PLOD1: variants seen among roughly 807,000 people sequenced by gnomAD.
PLOD1 encodes lysine hydroxylase.
A neutral mutation model predicts 94.7 loss-of-function variants in PLOD1; 70 were observed. That is an observed-to-expected ratio of 0.74 (90% CI 0.61 to 0.90). The LOEUF is 0.90. Among genes scored for constraint, PLOD1 ranks in the 40% least tolerant of loss-of-function variants. The pLI is 0.00. For missense variants in PLOD1, 905 were observed against 972.7 expected (o/e 0.93, Z 0.93); for synonymous variants, 417 against 400.2 (o/e 1.04, Z -0.50).
intron 4 of PLOD1, among the ~76,000 whole-genome samples, chr1:11,952,104 G>T (rs1418669400): frequency 6.6e-6 from 1 of 152,166 alleles, no homozygotes. Context: ...CCTGGCCCAG[G>T]CCCAGGAGTA....
At chr1:11,947,146 G>A (rs1459369363) in intron 1 of PLOD1, among the ~76,000 whole-genome samples, 1 of 151,868 alleles carries the variant, frequency 6.6e-6, no homozygotes, top group Non-Finnish European at 1.5e-5. Flanking sequence ...GCGAGTGCCT[G>A]TAGTCCCAGC....
chr1:11,937,383 T>C (rs1645587018), intron 1 of PLOD1, among the ~76,000 whole-genome samples: 1 of 152,166 alleles, frequency 6.6e-6, no homozygotes, highest in African/African-American at 2.4e-5. Flanking sequence ...GCATTTTCTC[T>C]CCCAGTCCCA....
rs1396510716 is a variant in PLOD1, at chr1:11,952,599, G to C, written c.467-24G>C. On this transcript the variant is annotated intron_variant, in intron 4 of 18. Coordinates refer to ENST00000196061, the MANE Select transcript of PLOD1 (RefSeq NM_000302.4). ...GGCTGGAAGCTAAGGGTCCGTCTTG[G>C]TGTCCCCACCCACCAACCTTCAGGC... The C allele has an allele frequency of 1.9e-6, 3 of 1,574,686 alleles. No individual in the cohort carries two copies. In the South Asian group the frequency reaches 3.3e-5, roughly 17 times the overall value.
At chr1:11,966,353 C>T (rs747719005) in intron 15 of PLOD1, 37 bp downstream of exon 15, 10 of 1,499,358 alleles carry the variant, frequency 6.7e-6, no homozygotes, top group East Asian at 2.3e-5. Flanking sequence ...CCAGCCTTGC[C>T]TGCTGCAGGG....
chr1:11,965,867 C>T (rs377448091), intron 14 of PLOD1, among the ~76,000 whole-genome samples: 1 of 152,268 alleles, frequency 6.6e-6, no homozygotes, highest in East Asian at 1.9e-4. Context: ...TTGAGCCTTC[C>T]AGCTTTGGGG....
At position 11,975,088 on chromosome 1, in the gene PLOD1, T is replaced by G; in HGVS notation, c.*280T>G. On this transcript the variant is annotated 3_prime_UTR_variant, in exon 19 of 19. Transcript: ENST00000196061. ...AGTGACTCGTGCTCTCCAACCTGTC[T>G]TCCTGAAAAACCAAGGCCCCCTTCC... 1 of 497,036 alleles carries G rather than the reference T, an allele frequency of 2.0e-6. No individual in the cohort carries two copies. Among genetic ancestry groups the G allele is most frequent in the Non-Finnish European group, 3.7e-6 (1 of 273,380 alleles). The allele number at this position is 497,036 out of a possible 1,614,324, so 30.8% of individuals were successfully genotyped here. A position where few individuals can be genotyped will look rare whatever the true frequency, so the allele number is the denominator to read the frequency against.
chr1:11,940,256 C>G (rs1350133743), intron 1 of PLOD1, among the ~76,000 whole-genome samples: 3 of 152,144 alleles, frequency 2.0e-5, no homozygotes, highest in Admixed American at 6.6e-5. Context: ...CTCAGGGCCT[C>G]AAATAAGCCT....
At chr1:11,935,744 C>T (rs1251374870) in intron 1 of PLOD1, among the ~76,000 whole-genome samples, 1 of 152,066 alleles carries the variant, frequency 6.6e-6, no homozygotes, top group Non-Finnish European at 1.5e-5. Flanking sequence ...CCTGCCTCGG[C>T]CTCCCAAGTA....
At chr1:11,956,180 T>C (rs1645736333) in intron 6 of PLOD1, among the ~76,000 whole-genome samples, 1 of 151,614 alleles carries the variant, frequency 6.6e-6, no homozygotes, top group African/African-American at 2.4e-5. Context: ...GGTCATGAGT[T>C]CAAGACCAGC....
rs199567720 is a variant in PLOD1 at position 11,964,297 on chromosome 1, G to A, written c.1325G>A (p.Arg442His). The change falls in exon 12 of 19, where the codon CGT (arginine) becomes CAT (histidine). Residue 442 changes from arginine (R) to histidine (H), a missense_variant. Transcript: ENST00000196061. ...EDYVDIVQGR[R>H]VGVWNVPYIS... Reference sequence around the variant, plus strand: ...TACGTGGACATTGTGCAGGGGCGGCGTGTGTGAGTACCTGCAGGGTGGGGG... The same window carrying A: ...TACGTGGACATTGTGCAGGGGCGGCATGTGTGAGTACCTGCAGGGTGGGGG... The A allele has an allele frequency of 6.3e-5, 79 of 1,244,630 alleles. No homozygotes were observed. Among genetic ancestry groups the A allele is most frequent in the Admixed American group, 1.8e-4 (10 of 54,230 alleles). The allele number at this position is 1,244,630 out of a possible 1,614,324, so 77.1% of individuals were successfully genotyped here.
At chr1:11,938,304 C>T (rs1474905961) in intron 1 of PLOD1, among the ~76,000 whole-genome samples, 1 of 152,182 alleles carries the variant, frequency 6.6e-6, no homozygotes, top group African/African-American at 2.4e-5. Context: ...GATGGGAAGA[C>T]TGAGGTCCTG....
In PLOD1 at chr1:11,960,672, A is replaced by G; in HGVS notation, c.1002A>G (p.Glu334=). ...NHEQHHKAQV[E]EFLAQHGSEY... The stretch of plus-strand genomic sequence containing the variant: ...AGCAGCACCACAAGGCTCAGGTGGA[A>G]GAGTTCCTGGCACAGCATGGCAGCG... Residue 334 remains glutamate, a synonymous_variant, in exon 10 of 19, where the codon GAA becomes GAG. Coordinates refer to ENST00000196061, the MANE Select transcript of PLOD1 (RefSeq NM_000302.4). 1 of 1,613,112 alleles carries G rather than the reference A, an allele frequency of 6.2e-7. No individual in the cohort carries two copies. Among genetic ancestry groups the G allele is most frequent in the Non-Finnish European group, 8.5e-7 (1 of 1,179,954 alleles).
chr1:11,973,088 G>A, intron 18 of PLOD1, 91 bp downstream of exon 18: 3 of 1,469,764 alleles, frequency 2.0e-6, no homozygotes, highest in African/African-American at 1.4e-5. Flanking sequence ...AGGCAGAGGG[G>A]CCCCAGGTAA....
intron 16 of PLOD1, among the ~76,000 whole-genome samples, chr1:11,968,711 C>T (rs1305853251): frequency 6.6e-6 from 1 of 151,604 alleles, no homozygotes; most frequent in Non-Finnish European, 1.5e-5. Context: ...ATGGGTTTCA[C>T]CATTTTGGTC....
chr1:11,968,575 G>A lies in PLOD1; in HGVS notation c.1755+1484G>A, dbSNP rs1557499043. On this transcript the variant is annotated intron_variant, in intron 16 of 18. Coordinates refer to ENST00000196061, the MANE Select transcript of PLOD1 (RefSeq NM_000302.4). The stretch of plus-strand genomic sequence containing the variant: ...GTCGCCCAGGCTGGAGTGCAGTGGC[G>A]CCATCTCAGCTCACTGCAACCTCCG... Among the ~76,000 whole-genome samples the A allele has an allele frequency of 4.0e-5, 6 of 149,050 alleles. No individual in the cohort carries two copies. The South Asian group carries it at 1.1e-3, about 27-fold the overall frequency.
rs1645751987 is a variant in PLOD1, at chr1:11,958,079, A to ACCCAAGTGCC, written c.843+136_843+137insCCCAAGTGCC. On this transcript the variant is annotated intron_variant, in intron 8 of 18. Coordinates refer to ENST00000196061, the MANE Select transcript of PLOD1 (RefSeq NM_000302.4). This position sits in a 1 kb window ranked among gnomAD's most constrained non-coding sequence, Gnocchi z 4.3. Reference sequence around the variant, plus strand: ...GGGTCACCTCCCTGCCTGGGGTTCTATCCCGGTTGCCACCCAAGTGCCTCC... The same window carrying ACCCAAGTGCC: ...GGGTCACCTCCCTGCCTGGGGTTCTACCCAAGTGCCTCCCGGTTGCCACCCAAGTGCCTCC... The ACCCAAGTGCC allele has an allele frequency of 1.5e-6, 1 of 685,966 alleles. No individual in the cohort carries two copies. The highest frequency in any genetic ancestry group is 1.8e-5 in the African/African-American group (1 of 56,276). 42.5% of individuals were successfully genotyped at this position (685,966 alleles called of 1,614,324 possible). A position where few individuals can be genotyped will look rare whatever the true frequency, so the allele number is the denominator to read the frequency against.
At chr1:11,934,923 C>T in intron 1 of PLOD1, 68 bp downstream of exon 1, 1 of 1,501,930 alleles carries the variant, frequency 6.7e-7, no homozygotes, top group Non-Finnish European at 8.9e-7. Context: ...GGCTGCCTCC[C>T]TGGGAACGAC....
intron 16 of PLOD1, among the ~76,000 whole-genome samples, chr1:11,969,175 AC>A: frequency 6.6e-6 from 1 of 151,480 alleles, no homozygotes; most frequent in South Asian, 2.1e-4. Context: ...TTTAGTAGAG[AC>A]AGGGGTTTCA....
chr1:11,967,245 G>A (rs1044173379), intron 16 of PLOD1, among the ~76,000 whole-genome samples, 154 bp downstream of exon 16: 2 of 152,172 alleles, frequency 1.3e-5, no homozygotes, highest in African/African-American at 2.4e-5. Context: ...GCAGGTAGGA[G>A]TAGAGGGATT....
Sources: gnomAD v4.1 joint callset for allele counts (sites outside exome capture counted in the v4.1 genomes callset) on GRCh38, gnomAD v4.1.1 for gene constraint, Gnocchi (gnomAD v3.1) non-coding constraint, MANE v1.5 for transcripts, NCBI Gene and HGNC (gene_info 2026-07-23, HGNC 2026-07-21) for gene names.